The following OLFM2 variants were observed in gnomAD, a reference collection of about 807,000 sequenced individuals.
The protein encoded by OLFM2 is olfactomedin 2, also known as noelin-2.
A neutral mutation model predicts 43.9 loss-of-function variants in OLFM2; 20 were observed. The observed-to-expected ratio is 0.46, with a 90% CI of 0.32 to 0.66. The LOEUF is 0.66. Among genes scored for constraint, OLFM2 ranks in the 30% least tolerant of loss-of-function variants. OLFM2 has a pLI of 0.04. For missense variants in OLFM2, 416 were observed against 643.6 expected (o/e 0.65, Z 3.83); for synonymous variants, 268 against 278.6 (o/e 0.96, Z 0.38).
At chr19:9,879,384 G>A (rs889718861) in intron 1 of OLFM2, among the ~76,000 whole-genome samples, 14 of 151,846 alleles carry the variant, frequency 9.2e-5, no homozygotes, top group South Asian at 6.3e-4. Context: ...TGCCCCCCTC[G>A]GCCTCCCAAA....
chr19:9,913,426 G>A lies in OLFM2; in HGVS notation c.63+22878C>T, dbSNP rs1046766505. On this transcript the variant is annotated intron_variant, in intron 1 of 5. Coordinates refer to ENST00000264833, the MANE Select transcript of OLFM2 (RefSeq NM_058164.4). The stretch of plus-strand genomic sequence containing the variant: ...CCCCGGGGGCTGCGGCGGCGGCAGC[G>A]GCTGTGGCGCGGGTACCACGCCCCC... 6.5e-5 allele frequency: 63 copies of A among 972,950 alleles called. No individual in the cohort carries two copies. The Admixed American group carries it at 9.8e-4, about 15-fold the overall frequency. The allele number at this position is 972,950 out of a possible 1,614,324, so 60.3% of individuals were successfully genotyped here.
At position 9,860,645 on chromosome 19, in the gene OLFM2, C is replaced by T. The variant is rs753608891; in HGVS notation, c.213G>A (p.Lys71=). The T allele has an allele frequency of 2.5e-6, 4 of 1,581,488 alleles. No individual in the cohort carries two copies. Among genetic ancestry groups the T allele is most frequent in the Non-Finnish European group, 3.4e-6 (4 of 1,162,850 alleles). ...CCCAGGGTACCTGGAAGGTTCTCAC[C>T]TTCTCCATCAGTTGCCGCAGCTCCC... The part of the protein sequence containing the change: ...RSRELRQLME[K]VQNVSQSMEV... The change falls in exon 2 of 6, where the codon AAG becomes AAA. Residue 71 remains lysine, a splice_region_variant and synonymous_variant. Transcript: ENST00000264833.
chr19:9,880,487 T>C (rs1323578631), intron 1 of OLFM2, among the ~76,000 whole-genome samples: 1 of 152,106 alleles, frequency 6.6e-6, no homozygotes, highest in African/African-American at 2.4e-5. Flanking sequence ...ATCCCAGCAC[T>C]TTAGGAGGCT....
At chr19:9,886,792 C>T (rs2046591435) in intron 1 of OLFM2, among the ~76,000 whole-genome samples, 1 of 152,128 alleles carries the variant, frequency 6.6e-6, no homozygotes, top group Admixed American at 6.6e-5. Flanking sequence ...CCAAGCGACT[C>T]TCCTGCCTCA....
intron 1 of OLFM2, among the ~76,000 whole-genome samples, chr19:9,934,930 C>A (rs924403241): frequency 3.3e-5 from 5 of 152,156 alleles, no homozygotes; most frequent in Non-Finnish European, 7.4e-5. Context: ...AATTGTTTCT[C>A]CCCTGCCTAT....
At position 9,868,468 on chromosome 19, in the gene OLFM2, A is replaced by C. The variant is rs534009074; in HGVS notation, c.64-7674T>G. On this transcript the variant is annotated intron_variant, in intron 1 of 5. Transcript: ENST00000264833. ...GCAGTTCTCCCACCTCAGCCTCCCA[A>C]AGTATTGGGATTACAGGCGTGAGGC... Among the ~76,000 whole-genome samples, 5 of 152,208 alleles carry C rather than the reference A, an allele frequency of 3.3e-5. No individual in the cohort carries two copies. The East Asian group carries it at 5.8e-4, about 18-fold the overall frequency.
chr19:9,858,210 G>C, intron 2 of OLFM2: 1 of 379,042 alleles, frequency 2.6e-6, no homozygotes, highest in Non-Finnish European at 5.1e-6. Flanking sequence ...CACAGATCCT[G>C]TGCTGGCTGG....
intron 1 of OLFM2, among the ~76,000 whole-genome samples, chr19:9,930,177 A>C (rs1049053286): frequency 6.6e-6 from 1 of 152,350 alleles, no homozygotes; most frequent in South Asian, 2.1e-4. Context: ...CACCAAACAT[A>C]CACATACACG....
At chr19:9,855,241 A>ATT (rs1216061769) in intron 5 of OLFM2, among the ~76,000 whole-genome samples, 8 of 134,224 alleles carry the variant, frequency 6.0e-5, no homozygotes, top group East Asian at 2.1e-4. Context: ...TTTTTAAGTA[A>ATT]TTTTTTTTTT....
chr19:9,936,343 C>A lies in OLFM2; in HGVS notation c.24G>T (p.Pro8=). MWPLTVP[P]PLLLLLCSGL... ...CTGAGCACAGCAGCAGCAGCAGCGG[C>A]GGCGGGACCGTGAGCGGCCACATGA... Residue 8 remains proline, a synonymous_variant, in exon 1 of 6, where the codon CCG becomes CCT. Coordinates refer to ENST00000264833, the MANE Select transcript of OLFM2 (RefSeq NM_058164.4). The A allele has an allele frequency of 6.6e-7, 1 of 1,504,306 alleles. No homozygotes were observed. The allele number at this position is 1,504,306 out of a possible 1,614,324, so 93.2% of individuals were successfully genotyped here. A position where few individuals can be genotyped will look rare whatever the true frequency, so the allele number is the denominator to read the frequency against.
chr19:9,897,854 T>C (rs1480316832), intron 1 of OLFM2, among the ~76,000 whole-genome samples: 4 of 152,086 alleles, frequency 2.6e-5, no homozygotes, highest in Admixed American at 6.6e-5. Context: ...GCTATTAACA[T>C]GCAGAGTGAC....
At chr19:9,876,083 T>A (rs1463078169) in intron 1 of OLFM2, among the ~76,000 whole-genome samples, 1 of 152,148 alleles carries the variant, frequency 6.6e-6, no homozygotes, top group African/African-American at 2.4e-5. Flanking sequence ...TGGCCCCAAT[T>A]TAATCTCTTG....
At chr19:9,913,875 C>A (rs1456099186) in intron 1 of OLFM2, 1 of 167,012 alleles carries the variant, frequency 6.0e-6, no homozygotes, top group Non-Finnish European at 1.2e-5. Context: ...CCGCGCCGGG[C>A]ACTTCCAGCC....
intron 1 of OLFM2, among the ~76,000 whole-genome samples, chr19:9,921,758 T>G (rs8110748): frequency 0.051 from 7,745 of 151,686 alleles, 575 homozygotes; most frequent in African/African-American, 0.17. Flanking sequence ...ATGCTAGGAT[T>G]ACAGGCATGA....
chr19:9,861,359 G>C (rs2046364403), intron 1 of OLFM2, among the ~76,000 whole-genome samples: 3 of 151,754 alleles, frequency 2.0e-5, no homozygotes, highest in Admixed American at 2.0e-4. Flanking sequence ...GGGTAACAGA[G>C]TGAGACCCTG....
At chr19:9,931,824 CTCCCAAAA>C (rs2086484590) in intron 1 of OLFM2, among the ~76,000 whole-genome samples, 1 of 152,108 alleles carries the variant, frequency 6.6e-6, no homozygotes, top group South Asian at 2.1e-4. Flanking sequence ...TGGCTTTGGT[CTCCCAAAA>C]TGCTGGGATC....
chr19:9,890,015 G>C (rs1211736947), intron 1 of OLFM2, among the ~76,000 whole-genome samples: 4 of 152,016 alleles, frequency 2.6e-5, no homozygotes, highest in African/African-American at 9.7e-5. Flanking sequence ...AGGAGGAGCC[G>C]GGAGGAGAGG....
At chr19:9,869,804 A>G (rs549870511) in intron 1 of OLFM2, among the ~76,000 whole-genome samples, 2 of 152,234 alleles carry the variant, frequency 1.3e-5, no homozygotes, top group South Asian at 2.1e-4. Flanking sequence ...TTTTGTAGAG[A>G]TGGGAGTCTT....
intron 1 of OLFM2, among the ~76,000 whole-genome samples, chr19:9,924,869 C>T (rs2086443179): frequency 6.8e-6 from 1 of 146,550 alleles, no homozygotes; most frequent in Admixed American, 6.8e-5. Context: ...GTTAATGAAT[C>T]AAAAAATAAA....
Sources: gnomAD v4.1 joint callset for allele counts (sites outside exome capture counted in the v4.1 genomes callset) on GRCh38, gnomAD v4.1.1 for gene constraint, MANE v1.5 for transcripts, NCBI Gene and HGNC (gene_info 2026-07-23, HGNC 2026-07-21) for gene names.